ZNF718: variants seen among roughly 807,000 people sequenced by gnomAD.
ZNF718 encodes the protein zinc finger protein 718.
A neutral mutation model predicts 2.6 loss-of-function variants in ZNF718; 3 were observed. The observed-to-expected ratio is 1.16, with a 90% CI of 0.53 to 3.01. ZNF718 has a LOEUF of 3.01. Among genes scored for constraint, ZNF718 ranks in the 30% most tolerant of loss-of-function variants. The pLI is 0.03. For missense variants in ZNF718, 468 were observed against 230.0 expected, an observed-to-expected ratio of 2.03 and a Z score of -6.69; for synonymous variants, 135 against 77.9, an observed-to-expected ratio of 1.73 and a Z score of -3.86.
intron 3 of ZNF718, among the ~76,000 whole-genome samples, chr4:144,493 C>T (rs1553810843): frequency 6.6e-6 from 1 of 152,064 alleles, no homozygotes; most frequent in Non-Finnish European, 1.5e-5. Context: ...TATTTTGAGT[C>T]TTTTATGGGT....
intron 3 of ZNF718, among the ~76,000 whole-genome samples, chr4:171,141 G>T (rs542549000): frequency 2.0e-5 from 3 of 152,318 alleles, no homozygotes; most frequent in Admixed American, 6.5e-5. Context: ...GGTATCAGCA[G>T]CAGAAGCTGC....
intron 3 of ZNF718, among the ~76,000 whole-genome samples, chr4:177,984 T>G (rs2108812421): frequency 6.6e-6 from 1 of 152,176 alleles, no homozygotes; most frequent in Non-Finnish European, 1.5e-5. Context: ...GGGAAATACC[T>G]GTGAAGAAAG....
intron 1 of ZNF718, among the ~76,000 whole-genome samples, chr4:128,460 TCC>T (rs1715284277): frequency 9.7e-6 from 1 of 103,018 alleles, no homozygotes; most frequent in Non-Finnish European, 2.2e-5. Flanking sequence ...TGTACCTTCC[TCC>T]TCTATACTGT....
At chr4:133,464 T>C (rs1560108381) in intron 3 of ZNF718, among the ~76,000 whole-genome samples, 2 of 152,056 alleles carry the variant, frequency 1.3e-5, no homozygotes, top group East Asian at 3.9e-4. Context: ...TAATAACTAT[T>C]ATCTTTTAAT....
intron 1 of ZNF718, 139 bp downstream of exon 1, chr4:124,812 G>A: frequency 8.7e-7 from 1 of 1,149,660 alleles, no homozygotes. Context: ...AGGGACCCGC[G>A]CTCTTGTCAG....
At chr4:199,937 A>T (rs1160694444) in intron 3 of ZNF718, among the ~76,000 whole-genome samples, 1 of 152,244 alleles carries the variant, frequency 6.6e-6, no homozygotes, top group African/African-American at 2.4e-5. Flanking sequence ...AATATTAATA[A>T]AACACAAGTC....
chr4:152,475 T>C (rs1553812774), intron 3 of ZNF718, among the ~76,000 whole-genome samples: 1 of 145,042 alleles, frequency 6.9e-6, no homozygotes, highest in East Asian at 2.0e-4. Flanking sequence ...TTAAGGAGCA[T>C]GCTGCCTTCA....
intron 3 of ZNF718, among the ~76,000 whole-genome samples, chr4:185,416 CT>C (rs1296553250): frequency 1.3e-5 from 2 of 152,098 alleles, no homozygotes; most frequent in Non-Finnish European, 2.9e-5. Flanking sequence ...TGTTTTAATA[CT>C]GATTATATGG....
chr4:146,597 T>C (rs184128359), intron 3 of ZNF718, among the ~76,000 whole-genome samples: 108 of 152,202 alleles, frequency 7.1e-4, no homozygotes, highest in Non-Finnish European at 1.1e-3. Context: ...ATTGGGAAAA[T>C]TTTAACACAT....
At chr4:153,275 T>TC (rs1716416148) in intron 3 of ZNF718, among the ~76,000 whole-genome samples, 1 of 152,098 alleles carries the variant, frequency 6.6e-6, no homozygotes, top group African/African-American at 2.4e-5. Context: ...CTGTCATCTG[T>TC]CTATTTTTAT....
intron 3 of ZNF718, among the ~76,000 whole-genome samples, chr4:145,800 TTTTATTTTATTCATGTA>T (rs531034807): frequency 2.0e-3 from 297 of 152,192 alleles, no homozygotes; most frequent in African/African-American, 6.7e-3. Flanking sequence ...GAGATCTTTA[TTTTATTTTATTCATGTA>T]TTTATTTTAG....
In ZNF718 at chr4:179,034, A is replaced by G. The variant is rs868920378; in HGVS notation, c.227-22047A>G. Among the ~76,000 whole-genome samples, 21 of 152,282 alleles carry G rather than the reference A, an allele frequency of 1.4e-4. 1 individual carries two copies. Among genetic ancestry groups the G allele is most frequent in the Non-Finnish European group, 2.2e-4 (15 of 68,006 alleles). ...AGAGATATATGTCTCACATTTAGGTATTTGGTCTGTGTAAAATATTTTCTT... is the reference window on the plus strand; with the variant it reads ...AGAGATATATGTCTCACATTTAGGTGTTTGGTCTGTGTAAAATATTTTCTT... On this transcript the variant is annotated intron_variant and NMD_transcript_variant, in intron 3 of 4. Coordinates refer to the ZNF718 transcript ENST00000642529.
intron 3 of ZNF718, among the ~76,000 whole-genome samples, chr4:194,700 C>G (rs1344504125): frequency 6.6e-6 from 1 of 152,116 alleles, no homozygotes; most frequent in Non-Finnish European, 1.5e-5. Flanking sequence ...GAGAATTTAC[C>G]TAGGTCTATT....
rs1715557848 is a variant in ZNF718, at chr4:136,046, C to T, written c.226+4541C>T. Among the ~76,000 whole-genome samples the T allele has an allele frequency of 1.3e-5, 2 of 152,106 alleles. 1 individual carries two copies. The highest frequency in any genetic ancestry group is 4.8e-5 in the African/African-American group (2 of 41,416). ...TGTCCTCCTGCTGATGAGATTACCT[C>T]TGCTTTTGATGGTTGTGTTACCGGA... On this transcript the variant is annotated intron_variant, in intron 3 of 3. Transcript: ENST00000510175.
At chr4:166,483 C>T (rs1553816852), downstream of ZNF718, among the ~76,000 whole-genome samples, 1 of 152,218 alleles carries the variant, frequency 6.6e-6, no homozygotes, top group Non-Finnish European at 1.5e-5. Context: ...AAAAGTGTTC[C>T]TATTTCTCCA....
chr4:171,983 C>T (rs1553818128), intron 3 of ZNF718, among the ~76,000 whole-genome samples: 1 of 152,206 alleles, frequency 6.6e-6, no homozygotes, highest in South Asian at 2.1e-4. Context: ...GCCATCTTGG[C>T]TCCACCTGTC....
At position 162,281 on chromosome 4, in the gene ZNF718, A is replaced by C. The variant is rs1716927256; in HGVS notation, c.*159A>C. ...GAAATGGTATTGGTGAGAAGCCATA[A>C]AAATATGAAAAATGTGGAAAAGCCT... On this transcript the variant is annotated 3_prime_UTR_variant, in exon 4 of 4. Coordinates refer to ENST00000510175, the MANE Select transcript of ZNF718 (RefSeq NM_001039127.6). 1 of 491,682 alleles carries C rather than the reference A, an allele frequency of 2.0e-6. No homozygotes were observed. The highest frequency in any genetic ancestry group is 3.6e-6 in the Non-Finnish European group (1 of 275,922). The allele number at this position is 491,682 out of a possible 1,614,324, so 30.5% of individuals were successfully genotyped here.
chr4:193,537 C>G (rs1553821560), intron 3 of ZNF718, among the ~76,000 whole-genome samples: 1 of 152,098 alleles, frequency 6.6e-6, no homozygotes, highest in Admixed American at 6.6e-5. Flanking sequence ...GGCTTTCAGG[C>G]ATAATTAGAA....
At position 162,482 on chromosome 4, in the gene ZNF718, CAT is replaced by C. The variant is rs112810957; in HGVS notation, c.*361_*362del. On this transcript the variant is annotated 3_prime_UTR_variant, in exon 4 of 4. Coordinates refer to ENST00000510175, the MANE Select transcript of ZNF718 (RefSeq NM_001039127.6). ...TGTAGAAAAGCCATTAATGCCTACT[CAT>C]GTGTTACTAAATATCAGAGAGTTTG... 0.012 allele frequency: 1,962 copies of C among 170,574 alleles called. 48 individuals carry two copies. The highest frequency in any genetic ancestry group is 0.044 in the African/African-American group (1,833 of 42,116). The allele number at this position is 170,574 out of a possible 1,614,324, so 10.6% of individuals were successfully genotyped here. A position where few individuals can be genotyped will look rare whatever the true frequency, so the allele number is the denominator to read the frequency against.
Sources: gnomAD v4.1 joint callset for allele counts (sites outside exome capture counted in the v4.1 genomes callset) on GRCh38, gnomAD v4.1.1 for gene constraint, MANE v1.5 for transcripts, NCBI Gene and HGNC (gene_info 2026-07-23, HGNC 2026-07-21) for gene names.